Variants in MAGI1 observed in about 807,000 individuals in gnomAD.
The protein encoded by MAGI1 is membrane associated guanylate kinase, WW and PDZ domain containing 1, also known as membrane-associated guanylate kinase, WW and PDZ domain-containing protein 1.
In MAGI1, 58 loss-of-function variants were observed where a neutral mutation model predicts 139.9. The observed-to-expected ratio is 0.41, with a 90% CI of 0.34 to 0.52. The LOEUF is 0.52. Ranked by LOEUF, MAGI1 falls within the 20% of genes least tolerant of loss-of-function variation. The pLI is 0.12. For synonymous variants in MAGI1, 812 were observed against 737.9 expected, an observed-to-expected ratio of 1.10 and a Z score of -1.63; for missense variants, 1,874 against 1,901.6, an observed-to-expected ratio of 0.99 and a Z score of 0.27.
At chr3:65,739,371 T>A (rs987822393) in intron 1 of MAGI1, among the ~76,000 whole-genome samples, 4 of 152,232 alleles carry the variant, frequency 2.6e-5, no homozygotes, top group African/African-American at 9.6e-5. Context: ...GTACCTGGTT[T>A]AATCTTCTAT....
intron 2 of MAGI1, among the ~76,000 whole-genome samples, chr3:65,522,399 T>C (rs1163424822): frequency 6.6e-6 from 1 of 152,190 alleles, no homozygotes; most frequent in Non-Finnish European, 1.5e-5. Context: ...GTAACTTACT[T>C]GGGTTTTTAA....
chr3:65,857,860 T>C (rs1286120439), intron 1 of MAGI1, among the ~76,000 whole-genome samples: 1 of 151,676 alleles, frequency 6.6e-6, no homozygotes, highest in African/African-American at 2.4e-5. Flanking sequence ...TAAAAAGAGG[T>C]AGGAAGGCAA....
At chr3:65,749,875 GTT>G (rs1284390411) in intron 1 of MAGI1, among the ~76,000 whole-genome samples, 1 of 152,102 alleles carries the variant, frequency 6.6e-6, no homozygotes, top group African/African-American at 2.4e-5. Context: ...AAGAGGTTTT[GTT>G]TGGCCTTCCC....
chr3:65,954,983 T>G, intron 1 of MAGI1, among the ~76,000 whole-genome samples: 1 of 151,098 alleles, frequency 6.6e-6, no homozygotes, highest in East Asian at 1.9e-4. Flanking sequence ...CTTAGAAAAA[T>G]GAAGGAATTT....
At chr3:65,912,112 C>G (rs748896032) in intron 1 of MAGI1, among the ~76,000 whole-genome samples, 1 of 152,024 alleles carries the variant, frequency 6.6e-6, no homozygotes, top group Non-Finnish European at 1.5e-5. Flanking sequence ...TTTGTCATCT[C>G]TCGAGTCTAG....
chr3:65,643,390 C>A (rs150159056), intron 1 of MAGI1, among the ~76,000 whole-genome samples: 1 of 152,084 alleles, frequency 6.6e-6, no homozygotes, highest in South Asian at 2.1e-4. Context: ...TTGCTATCTA[C>A]GAAAAATAAA....
chr3:65,771,714 C>T (rs1164928997), intron 1 of MAGI1, among the ~76,000 whole-genome samples: 1 of 152,152 alleles, frequency 6.6e-6, no homozygotes, highest in Non-Finnish European at 1.5e-5. Flanking sequence ...AAAACAAAAT[C>T]TAATGGATTT....
At chr3:65,983,021 G>A (rs955481255) in intron 1 of MAGI1, among the ~76,000 whole-genome samples, 1 of 152,162 alleles carries the variant, frequency 6.6e-6, no homozygotes, top group Admixed American at 6.6e-5. Context: ...CTGGGCTCAA[G>A]GGATCCTTCT....
chr3:65,820,085 A>T (rs1383601097), intron 1 of MAGI1, among the ~76,000 whole-genome samples: 1 of 152,012 alleles, frequency 6.6e-6, no homozygotes, highest in African/African-American at 2.4e-5. Flanking sequence ...TTGACCTTTG[A>T]ACAGACTTAC....
At chr3:65,538,934 G>A (rs1023629223) in intron 2 of MAGI1, among the ~76,000 whole-genome samples, 10 of 150,728 alleles carry the variant, frequency 6.6e-5, no homozygotes, top group African/African-American at 2.2e-4. Flanking sequence ...ACCAACTACC[G>A]TCAACCACAA....
At chr3:65,702,776 C>T (rs2089706864) in intron 1 of MAGI1, among the ~76,000 whole-genome samples, 1 of 152,038 alleles carries the variant, frequency 6.6e-6, no homozygotes, top group South Asian at 2.1e-4. Context: ...GATCTGAACT[C>T]CTTGAAAGCA....
chr3:65,402,562 C>A (rs1455595326), intron 12 of MAGI1, among the ~76,000 whole-genome samples: 2 of 152,180 alleles, frequency 1.3e-5, no homozygotes, highest in Non-Finnish European at 2.9e-5. Context: ...CTGTATAAAG[C>A]ACACAAGAGA....
intron 1 of MAGI1, among the ~76,000 whole-genome samples, chr3:65,971,196 C>T (rs973432612): frequency 5.3e-5 from 8 of 152,160 alleles, no homozygotes; most frequent in Admixed American, 1.3e-4. Flanking sequence ...AGCGAGACTC[C>T]GTCTCAAAAA....
At chr3:65,957,520 C>CAAA (rs761240940) in intron 1 of MAGI1, among the ~76,000 whole-genome samples, 4 of 31,004 alleles carry the variant, frequency 1.3e-4, no homozygotes, top group South Asian at 1.5e-3. Flanking sequence ...GACTTCATCT[C>CAAA]AAAAAAAAAA....
At chr3:65,722,529 A>T (rs1203852761) in intron 1 of MAGI1, among the ~76,000 whole-genome samples, 33 of 151,898 alleles carry the variant, frequency 2.2e-4, no homozygotes, top group Admixed American at 2.2e-3. Context: ...GCTACTTAGG[A>T]GGCTGAGATG....
chr3:65,665,835 G>GA (rs1457288250), intron 1 of MAGI1, among the ~76,000 whole-genome samples: 1 of 152,068 alleles, frequency 6.6e-6, no homozygotes, highest in African/African-American at 2.4e-5. Context: ...CCATGTTTAT[G>GA]AACCACTGTG....
rs142114959 is a variant in MAGI1 at position 65,801,652 on chromosome 3, G to A, written c.314-179564C>T. Among the ~76,000 whole-genome samples, 625 of 152,246 alleles carry A rather than the reference G, an allele frequency of 4.1e-3. 9 individuals carry two copies. The highest frequency in any genetic ancestry group is 0.014 in the African/African-American group (589 of 41,538). On this transcript the variant is annotated intron_variant, in intron 1 of 22. Transcript: ENST00000402939. ...ACTTCTCCTACATTCTAACCCAATG[G>A]CTCTCAACTCTTTAAAAAATGCAGA... is the stretch of plus-strand genomic sequence containing the variant.
intron 2 of MAGI1, among the ~76,000 whole-genome samples, chr3:65,614,755 G>A (rs1047498658): frequency 2.0e-5 from 3 of 151,980 alleles, no homozygotes; most frequent in African/African-American, 7.3e-5. Context: ...CAGCTGCCCT[G>A]TCTAGTGCAG....
intron 10 of MAGI1, among the ~76,000 whole-genome samples, chr3:65,436,220 T>C (rs556065547): frequency 1.3e-5 from 2 of 152,182 alleles, no homozygotes; most frequent in Admixed American, 1.3e-4. Flanking sequence ...TGAATTATTA[T>C]TCTACTTATC....
Sources: allele counts gnomAD v4.1 joint callset (sites outside exome capture counted in the v4.1 genomes callset), GRCh38; gene constraint gnomAD v4.1.1; transcripts MANE v1.5; gene names NCBI Gene and HGNC (gene_info 2026-07-23, HGNC 2026-07-21).